GRM7: variants seen among roughly 807,000 people sequenced by gnomAD.
GRM7 encodes the protein metabotropic glutamate receptor 7.
GRM7 carries 35 observed loss-of-function variants against 84.5 expected under a neutral mutation model. The observed-to-expected ratio is 0.41, with a 90% CI of 0.32 to 0.55. The LOEUF (loss-of-function observed/expected upper bound fraction) is 0.55, where lower values mean the gene tolerates loss of function less well. Ranked by LOEUF, GRM7 falls within the 20% of genes least tolerant of loss-of-function variation. The pLI is 0.19. For missense variants in GRM7, 1,003 were observed against 1,194.6 expected, an observed-to-expected ratio of 0.84 and a Z score of 2.36; for synonymous variants, 487 against 455.1, an observed-to-expected ratio of 1.07 and a Z score of -0.89.
intron 4 of GRM7, among the ~76,000 whole-genome samples, chr3:7,385,438 T>C (rs2125134312): frequency 6.6e-6 from 1 of 151,792 alleles, no homozygotes; most frequent in South Asian, 2.1e-4. Flanking sequence ...GTAGCTGGGA[T>C]TACAGGCGCT....
intron 2 of GRM7, among the ~76,000 whole-genome samples, chr3:7,171,284 C>A (rs1694974750): frequency 6.6e-6 from 1 of 152,042 alleles, no homozygotes; most frequent in Non-Finnish European, 1.5e-5. Flanking sequence ...GTGTTTGTGT[C>A]CAAATGTCCC....
chr3:7,635,487 T>C (rs1698052319), intron 8 of GRM7, among the ~76,000 whole-genome samples: 1 of 152,176 alleles, frequency 6.6e-6, no homozygotes, highest in Admixed American at 6.5e-5. Flanking sequence ...GATGCCACTT[T>C]GCTTGTTTAA....
At chr3:7,146,900 G>A (rs1279194969) in intron 2 of GRM7, among the ~76,000 whole-genome samples, 3 of 152,088 alleles carry the variant, frequency 2.0e-5, no homozygotes, top group Non-Finnish European at 4.4e-5. Context: ...AAAAAAATAT[G>A]TACTAAAGTT....
At chr3:7,276,797 T>TCCCTCCCTCCCTCCCTCCCTC (rs1553641244) in intron 2 of GRM7, among the ~76,000 whole-genome samples, 1 of 1,424 alleles carries the variant, frequency 7.0e-4, no homozygotes. Flanking sequence ...CTTCCTTCCT[T>TCCCTCCCTCCCTCCCTCCCTC]CCTTCCTTTT....
At chr3:6,943,940 A>G (rs1215655061) in intron 1 of GRM7, among the ~76,000 whole-genome samples, 1 of 152,060 alleles carries the variant, frequency 6.6e-6, no homozygotes, top group East Asian at 1.9e-4. Context: ...TTCTGATGCT[A>G]TAGGAAATGA....
intron 8 of GRM7, among the ~76,000 whole-genome samples, chr3:7,640,899 C>G (rs187362965): frequency 2.0e-5 from 3 of 152,248 alleles, no homozygotes; most frequent in African/African-American, 7.2e-5. Context: ...CAATGACTAA[C>G]CACTAGATAT....
chr3:7,546,036 T>C (rs1693128812), intron 7 of GRM7, among the ~76,000 whole-genome samples: 2 of 152,204 alleles, frequency 1.3e-5, no homozygotes, highest in African/African-American at 4.8e-5. Context: ...ATTTATCAGT[T>C]ATTACTAATT....
At chr3:6,919,799 A>G (rs80037087) in intron 1 of GRM7, among the ~76,000 whole-genome samples, 6,456 of 152,238 alleles carry the variant, frequency 0.042, 475 homozygotes, top group African/African-American at 0.15. Context: ...TAACCATGGT[A>G]GGAAATTAGG....
intron 2 of GRM7, among the ~76,000 whole-genome samples, chr3:7,229,759 A>ATATATATATATTTT (rs1434216248): frequency 3.3e-5 from 1 of 30,434 alleles, no homozygotes; most frequent in Non-Finnish European, 5.7e-5. Flanking sequence ...ATATATATAT[A>ATATATATATATTTT]TTTTTTTTTT....
chr3:7,229,473 C>T (rs1327098963), intron 2 of GRM7, among the ~76,000 whole-genome samples: 1 of 151,610 alleles, frequency 6.6e-6, no homozygotes, highest in African/African-American at 2.4e-5. Context: ...CCCAAGAACC[C>T]AAGCGCTTTA....
chr3:7,175,989 G>A (rs1317369502), intron 2 of GRM7, among the ~76,000 whole-genome samples: 1 of 152,026 alleles, frequency 6.6e-6, no homozygotes, highest in Non-Finnish European at 1.5e-5. Context: ...AAATGTTAAA[G>A]AGCTCATACC....
intron 8 of GRM7, among the ~76,000 whole-genome samples, chr3:7,590,946 A>T (rs1165655563): frequency 6.6e-6 from 1 of 152,206 alleles, no homozygotes. Context: ...TCTACTTTGT[A>T]TCCCTAGAGC....
chr3:7,065,221 T>C (rs1697611641), intron 1 of GRM7, among the ~76,000 whole-genome samples: 1 of 152,088 alleles, frequency 6.6e-6, no homozygotes, highest in African/African-American at 2.4e-5. Context: ...ATCTTTGTTT[T>C]TATTGCATTT....
intron 7 of GRM7, among the ~76,000 whole-genome samples, chr3:7,552,477 G>T (rs1265881082): frequency 6.6e-6 from 1 of 152,170 alleles, no homozygotes; most frequent in Non-Finnish European, 1.5e-5. Context: ...TTTCTCTTCT[G>T]CACTGCCCTA....
At chr3:7,550,563 CTCTCTCTCTCTCTCTGTGTGTGTG>C (rs1693407669) in intron 7 of GRM7, among the ~76,000 whole-genome samples, 2 of 94,906 alleles carry the variant, frequency 2.1e-5, no homozygotes, top group African/African-American at 6.6e-5. Context: ...CTCTCTCTCT[CTCTCTCTCTCTCTCTGTGTGTGTG>C]TGTGTGTGTG....
chr3:7,224,352 T>G (rs1696910952), intron 2 of GRM7, among the ~76,000 whole-genome samples: 1 of 152,132 alleles, frequency 6.6e-6, no homozygotes, highest in Non-Finnish European at 1.5e-5. Flanking sequence ...AAGGATAGTA[T>G]CAAAGGGGGA....
At chr3:6,946,021 A>G (rs1338983494) in intron 1 of GRM7, among the ~76,000 whole-genome samples, 2 of 152,122 alleles carry the variant, frequency 1.3e-5, no homozygotes, top group African/African-American at 4.8e-5. Context: ...CCTGTTCACT[A>G]TGACAGTGAT....
intron 1 of GRM7, among the ~76,000 whole-genome samples, chr3:7,064,491 C>CATATATATACACACATATACAT (rs1559415450): frequency 7.2e-5 from 5 of 69,642 alleles, no homozygotes; most frequent in African/African-American, 1.8e-4. Flanking sequence ...CACACATATA[C>CATATATATACACACATATACAT]ATATATATAT....
intron 9 of GRM7, among the ~76,000 whole-genome samples, chr3:7,690,828 T>C (rs1700773315): frequency 6.6e-6 from 1 of 152,204 alleles, no homozygotes; most frequent in Non-Finnish European, 1.5e-5. Flanking sequence ...TGCATTTCCT[T>C]AGAGACTGTC....
Sources: gnomAD v4.1 joint callset for allele counts (sites outside exome capture counted in the v4.1 genomes callset) on GRCh38, gnomAD v4.1.1 for gene constraint, MANE v1.5 for transcripts, NCBI Gene and HGNC (gene_info 2026-07-23, HGNC 2026-07-21) for gene names.